Variants in ATF6 observed in about 807,000 individuals in gnomAD.
ATF6 encodes the protein activating transcription factor 6.
ATF6 carries 53 observed loss-of-function variants against 83.6 expected under a neutral mutation model. The observed-to-expected ratio is 0.63, with a 90% CI of 0.51 to 0.80. ATF6 has a LOEUF of 0.80. Among genes scored for constraint, ATF6 ranks in the 30% least tolerant of loss-of-function variants. ATF6 has a pLI of 0.00. For missense variants in ATF6, 744 were observed against 797.9 expected, an observed-to-expected ratio of 0.93 and a Z score of 0.81; for synonymous variants, 288 against 285.8, an observed-to-expected ratio of 1.01 and a Z score of -0.08.
intron 1 of ATF6, among the ~76,000 whole-genome samples, chr1:161,776,195 T>A (rs1684511187): frequency 6.6e-6 from 1 of 152,206 alleles, no homozygotes; most frequent in African/African-American, 2.4e-5. Context: ...TTATTTTAGA[T>A]ATATTCAACC....
intron 13 of ATF6, among the ~76,000 whole-genome samples, chr1:161,861,930 G>A (rs1252871502): frequency 1.3e-5 from 2 of 152,134 alleles, no homozygotes; most frequent in African/African-American, 2.4e-5. Context: ...GAGAAACTAC[G>A]TATGTTAGAT....
rs1293019205 is a variant in ATF6, at chr1:161,958,868, G to A, written c.*214G>A. On this transcript the variant is annotated 3_prime_UTR_variant, in exon 16 of 16. Transcript: ENST00000367942. ...TGGAATTCAGATGCAAGAGAACAAT[G>A]TTTCTTCAGTGGCAAATGTAGCCCT... is the stretch of plus-strand genomic sequence containing the variant. The A allele has an allele frequency of 4.3e-6, 2 of 465,074 alleles. No individual in the cohort carries two copies. Among genetic ancestry groups the A allele is most frequent in the Non-Finnish European group, 7.6e-6 (2 of 264,526 alleles). 28.8% of individuals were successfully genotyped at this position (465,074 alleles called of 1,614,324 possible).
chr1:161,949,953 T>C (rs1688829186), intron 15 of ATF6, among the ~76,000 whole-genome samples: 1 of 152,236 alleles, frequency 6.6e-6, no homozygotes, highest in African/African-American at 2.4e-5. Context: ...ACAGTTGTCT[T>C]CAGTGTTATA....
At chr1:161,956,924 A>G (rs1277023120) in intron 15 of ATF6, among the ~76,000 whole-genome samples, 1 of 152,306 alleles carries the variant, frequency 6.6e-6, no homozygotes, top group East Asian at 1.9e-4. Context: ...CCCTCTCTCC[A>G]AAAACATGCA....
intron 12 of ATF6, among the ~76,000 whole-genome samples, chr1:161,854,881 A>AG (rs1553235388): frequency 6.6e-6 from 1 of 152,054 alleles, no homozygotes; most frequent in Non-Finnish European, 1.5e-5. Flanking sequence ...GAAAAAAAAA[A>AG]AGATTTAGGG....
chr1:161,946,510 A>G (rs1688750030), intron 15 of ATF6, among the ~76,000 whole-genome samples: 2 of 152,336 alleles, frequency 1.3e-5, no homozygotes, highest in African/African-American at 2.4e-5. Flanking sequence ...CATCCTTGCT[A>G]AAAAATCTCT....
intron 14 of ATF6, among the ~76,000 whole-genome samples, chr1:161,909,767 T>C (rs1488272841): frequency 1.3e-5 from 2 of 152,000 alleles, no homozygotes; most frequent in Non-Finnish European, 2.9e-5. Context: ...CCATCCTGGC[T>C]AACATGGTGA....
At chr1:161,855,783 AAG>A (rs1280881362) in intron 12 of ATF6, among the ~76,000 whole-genome samples, 32 of 152,356 alleles carry the variant, frequency 2.1e-4, no homozygotes, top group African/African-American at 7.2e-4. Context: ...TACAGGGGCT[AAG>A]AGAGCTAAGA....
intron 15 of ATF6, among the ~76,000 whole-genome samples, chr1:161,915,660 G>A (rs1382606562): frequency 6.7e-6 from 1 of 148,354 alleles, no homozygotes; most frequent in Non-Finnish European, 1.5e-5. Flanking sequence ...GACTCATTCT[G>A]TTGCCCAGGC....
In ATF6 at chr1:161,802,212, T is replaced by C; in HGVS notation, c.849T>C (p.Asn283=). Reference sequence around the variant, plus strand: ...CCCCTTCAGCGAATAGCCCAGTGAATGGAAAACTTTCCGTGACTAAACCTG... The same window carrying C: ...CCCCTTCAGCGAATAGCCCAGTGAACGGAAAACTTTCCGTGACTAAACCTG... The part of the protein sequence containing the change: ...VPAPSANSPV[N]GKLSVTKPVL... The change falls in exon 7 of 16, where the codon AAT becomes AAC. Residue 283 remains asparagine, a synonymous_variant. Transcript: ENST00000367942. 1.2e-6 allele frequency: 2 copies of C among 1,614,046 alleles called. No individual in the cohort carries two copies. Among genetic ancestry groups the C allele is most frequent in the Non-Finnish European group, 1.7e-6 (2 of 1,179,988 alleles).
At chr1:161,890,690 AGC>A (rs1687532828) in intron 14 of ATF6, 1 of 152,306 alleles carries the variant, frequency 6.6e-6, no homozygotes, top group African/African-American at 2.4e-5. Context: ...CCCAAACCTC[AGC>A]ACACAGAGCT....
intron 15 of ATF6, 67 bp downstream of exon 15, chr1:161,912,447 G>A (rs1688010243): frequency 9.5e-7 from 1 of 1,048,722 alleles, no homozygotes; most frequent in Non-Finnish European, 1.4e-6. Flanking sequence ...CTCTTCATTA[G>A]TTCAAAGACA....
At chr1:161,857,055 T>C (rs749558946) in intron 12 of ATF6, among the ~76,000 whole-genome samples, 4 of 152,154 alleles carry the variant, frequency 2.6e-5, no homozygotes, top group Non-Finnish European at 5.9e-5. Context: ...AGTAAAGAAG[T>C]TCCTGGTTAG....
intron 15 of ATF6, among the ~76,000 whole-genome samples, chr1:161,938,458 C>G (rs1249647611): frequency 2.0e-5 from 3 of 152,054 alleles, no homozygotes; most frequent in Non-Finnish European, 2.9e-5. Context: ...CTTTGAATAT[C>G]AGAGAAACAT....
intron 1 of ATF6, among the ~76,000 whole-genome samples, chr1:161,775,553 G>T (rs1684495967): frequency 6.6e-6 from 1 of 151,032 alleles, no homozygotes; most frequent in Non-Finnish European, 1.5e-5. Flanking sequence ...TTTTTATTTG[G>T]TGGTTGGTAA....
rs781656167 is a variant in ATF6, at chr1:161,923,603, T to G, written c.1804+11223T>G. Among the ~76,000 whole-genome samples, 85 of 152,346 alleles carry G rather than the reference T, an allele frequency of 5.6e-4. 1 individual carries two copies. Among genetic ancestry groups the G allele is most frequent in the Non-Finnish European group, 6.3e-4 (43 of 68,032 alleles). ...TGGAATGTTATTACTTTGCTAAGAA[T>G]GATTATTGTGTTGATGATTTATTGG... On this transcript the variant is annotated intron_variant, in intron 15 of 15. Transcript: ENST00000367942.
At chr1:161,859,768 T>C (rs1361099856) in intron 12 of ATF6, among the ~76,000 whole-genome samples, 1 of 152,202 alleles carries the variant, frequency 6.6e-6, no homozygotes, top group Admixed American at 6.5e-5. Context: ...GCTTAGTTCA[T>C]AGATGTATTT....
chr1:161,934,171 T>G (rs1688488953), intron 15 of ATF6, among the ~76,000 whole-genome samples: 1 of 152,220 alleles, frequency 6.6e-6, no homozygotes, highest in East Asian at 1.9e-4. Context: ...ACCTTGGGCA[T>G]GAGTAAAGCT....
intron 9 of ATF6, among the ~76,000 whole-genome samples, chr1:161,823,470 T>C (rs571784432): frequency 1.3e-5 from 2 of 152,280 alleles, no homozygotes; most frequent in South Asian, 4.1e-4. Context: ...GAAAACCAAA[T>C]TAATTATTAT....
Sources: gnomAD v4.1 joint callset for allele counts (sites outside exome capture counted in the v4.1 genomes callset) on GRCh38, gnomAD v4.1.1 for gene constraint, MANE v1.5 for transcripts, NCBI Gene and HGNC (gene_info 2026-07-23, HGNC 2026-07-21) for gene names.